Variants in CTBP2 observed in about 807,000 individuals in gnomAD.
The protein encoded by CTBP2 is C-terminal-binding protein 2.
In CTBP2, 30 loss-of-function variants were observed where a neutral mutation model predicts 80.3. The observed-to-expected ratio is 0.37, with a 90% CI of 0.28 to 0.51. The LOEUF (loss-of-function observed/expected upper bound fraction) is 0.51, where lower values mean the gene tolerates loss of function less well. Among genes scored for constraint, CTBP2 ranks in the 20% least tolerant of loss-of-function variants. The probability of loss-of-function intolerance (pLI) is 0.93; values close to 1 mark genes in which losing one functional copy is unlikely to be tolerated. For synonymous variants in CTBP2, 594 were observed against 587.4 expected, an observed-to-expected ratio of 1.01 and a Z score of -0.16; for missense variants, 1,212 against 1,375.3, an observed-to-expected ratio of 0.88 and a Z score of 1.88.
chr10:125,055,916 C>T (rs1963809486), intron 2 of CTBP2, among the ~76,000 whole-genome samples: 1 of 152,134 alleles, frequency 6.6e-6, no homozygotes, highest in African/African-American at 2.4e-5. Context: ...CCTGCAATCC[C>T]AGCACTTTGG....
At chr10:125,082,326 G>A (rs1847295876) in intron 2 of CTBP2, among the ~76,000 whole-genome samples, 1 of 152,212 alleles carries the variant, frequency 6.6e-6, no homozygotes, top group Admixed American at 6.5e-5. Context: ...GCTCCTTACA[G>A]CCAATGGGCA....
At chr10:125,099,350 G>A (rs1298846255) in intron 2 of CTBP2, among the ~76,000 whole-genome samples, 18 of 152,212 alleles carry the variant, frequency 1.2e-4, no homozygotes, top group Admixed American at 6.5e-5. Flanking sequence ...CATGCCACAT[G>A]AGGCTTCCTT....
intron 2 of CTBP2, among the ~76,000 whole-genome samples, chr10:125,080,251 A>G (rs1281948054): frequency 6.6e-6 from 1 of 152,044 alleles, no homozygotes; most frequent in Non-Finnish European, 1.5e-5. Flanking sequence ...CAAAACTCAC[A>G]AAGAGAAATA....
rs1489797741 is a variant in CTBP2 at position 124,987,516 on chromosome 10, T to G, written c.*2002A>C. On this transcript the variant is annotated 3_prime_UTR_variant, in exon 9 of 9. Coordinates refer to ENST00000309035, the MANE Select transcript of CTBP2 (RefSeq NM_022802.3). ...ACATATTCGTGAAGGTAAGATATTC[T>G]GTGTGCGCTTGGCCTCCTTTTCACG... 1 of 152,220 alleles carries G rather than the reference T, an allele frequency of 6.6e-6. No homozygotes were observed. The highest frequency in any genetic ancestry group is 6.5e-5 in the Admixed American group (1 of 15,288). The allele number at this position is 152,220 out of a possible 1,614,324, so 9.4% of individuals were successfully genotyped here.
intron 2 of CTBP2, among the ~76,000 whole-genome samples, chr10:125,073,351 CT>C (rs1463372892): frequency 2.0e-5 from 3 of 152,218 alleles, no homozygotes; most frequent in Non-Finnish European, 2.9e-5. Context: ...TCAAGCGATT[CT>C]CCTGCCTCAG....
chr10:125,047,938 T>A (rs949977115), intron 2 of CTBP2, among the ~76,000 whole-genome samples: 7 of 152,270 alleles, frequency 4.6e-5, no homozygotes, highest in Non-Finnish European at 1.0e-4. Context: ...GTAAAAAAAA[T>A]CTTCAGGTTA....
Position 125,106,394 on chromosome 10 carries a change from C to T in CTBP2, c.-102+4596G>A, listed in dbSNP as rs754708435. ...ACCACAGTGTTTCCGGAAAGGCTTCCACCAGCAAGGGACGCGGGGCGACCT... is the reference window on the plus strand; with the variant it reads ...ACCACAGTGTTTCCGGAAAGGCTTCTACCAGCAAGGGACGCGGGGCGACCT... On this transcript the variant is annotated intron_variant, in intron 2 of 10. Coordinates refer to the CTBP2 transcript ENST00000337195. Among the ~76,000 whole-genome samples, 16 of 152,188 alleles carry T rather than the reference C, an allele frequency of 1.1e-4. 1 individual carries two copies. Among genetic ancestry groups the T allele is most frequent in the Non-Finnish European group, 2.4e-4 (16 of 68,036 alleles).
intron 1 of CTBP2, among the ~76,000 whole-genome samples, chr10:125,015,825 A>G (rs1235974348): frequency 6.6e-6 from 1 of 152,260 alleles, no homozygotes; most frequent in Non-Finnish European, 1.5e-5. Flanking sequence ...GGAATCTGGC[A>G]GAGCGGCCAG....
At chr10:125,081,343 C>CA (rs1210412177) in intron 2 of CTBP2, among the ~76,000 whole-genome samples, 1 of 152,182 alleles carries the variant, frequency 6.6e-6, no homozygotes. Flanking sequence ...GGACTACTGG[C>CA]AAAATCAGTA....
At chr10:125,136,825 A>G (rs1030936337) in intron 1 of CTBP2, among the ~76,000 whole-genome samples, 1 of 152,232 alleles carries the variant, frequency 6.6e-6, no homozygotes, top group Non-Finnish European at 1.5e-5. Flanking sequence ...TAGCACAGGG[A>G]CATCTAGGGG....
intron 2 of CTBP2, among the ~76,000 whole-genome samples, chr10:125,102,611 T>A (rs1372948624): frequency 6.6e-6 from 1 of 152,208 alleles, no homozygotes; most frequent in Non-Finnish European, 1.5e-5. Flanking sequence ...CATCTTCTGC[T>A]GTAATGAGGG....
chr10:125,126,705 C>A (rs564085743), intron 1 of CTBP2, among the ~76,000 whole-genome samples: 11 of 151,672 alleles, frequency 7.3e-5, no homozygotes, highest in Admixed American at 1.3e-4. Context: ...CTTATTTGAT[C>A]CTTGCCATCA....
intron 1 of CTBP2, among the ~76,000 whole-genome samples, chr10:125,021,131 C>T (rs1207370968): frequency 6.6e-6 from 1 of 152,176 alleles, no homozygotes. Context: ...GCCCCTGAGA[C>T]CCCGAGGGCC....
intron 2 of CTBP2, among the ~76,000 whole-genome samples, chr10:125,101,338 T>C (rs924438155): frequency 7.9e-5 from 12 of 152,180 alleles, no homozygotes; most frequent in South Asian, 6.2e-4. Context: ...TTCAGGCAAA[T>C]TGCAGAGACC....
At chr10:125,063,147 T>C (rs1246671810) in intron 2 of CTBP2, among the ~76,000 whole-genome samples, 1 of 152,218 alleles carries the variant, frequency 6.6e-6, no homozygotes, top group East Asian at 1.9e-4. Flanking sequence ...TAAATGGCCA[T>C]CATTGGTGGA....
chr10:125,041,067 T>C (rs550414844), intron 2 of CTBP2, among the ~76,000 whole-genome samples: 3 of 152,206 alleles, frequency 2.0e-5, no homozygotes, highest in Non-Finnish European at 2.9e-5. Flanking sequence ...ATTTTAAAAA[T>C]TGGTTTTGCT....
chr10:125,007,234 T>A (rs953243612), intron 1 of CTBP2, among the ~76,000 whole-genome samples: 19 of 152,204 alleles, frequency 1.2e-4, no homozygotes, highest in African/African-American at 4.1e-4. Flanking sequence ...CAGAAAGCCC[T>A]GCCGGCTCCC....
chr10:124,997,900 G>A, intron 4 of CTBP2, 64 bp downstream of exon 6: 4 of 1,533,198 alleles, frequency 2.6e-6, no homozygotes, highest in Non-Finnish European at 3.5e-6. Flanking sequence ...TTTCCCGAGG[G>A]GTCCCCACTA....
At chr10:125,151,338 G>A (rs1859830379) in intron 1 of CTBP2, among the ~76,000 whole-genome samples, 1 of 152,186 alleles carries the variant, frequency 6.6e-6, no homozygotes, top group African/African-American at 2.4e-5. Flanking sequence ...GTGAACAGCA[G>A]AGAACGCAGC....
Sources: gnomAD v4.1 joint callset for allele counts (sites outside exome capture counted in the v4.1 genomes callset) on GRCh38, gnomAD v4.1.1 for gene constraint, MANE v1.5 for transcripts, NCBI Gene and HGNC (gene_info 2026-07-23, HGNC 2026-07-21) for gene names.